FXYD5: variants seen among roughly 807,000 people sequenced by gnomAD.
FXYD5 encodes FXYD domain-containing ion transport regulator 5.
In FXYD5, 21 loss-of-function variants were observed where a neutral mutation model predicts 25.7. That is an observed-to-expected ratio of 0.82 (90% CI 0.58 to 1.18). The LOEUF is 1.18. FXYD5 is among the 50% of genes most tolerant of loss of function. The pLI is 0.00. For missense variants in FXYD5, 229 were observed against 227.7 expected, an observed-to-expected ratio of 1.01 and a Z score of -0.04; for synonymous variants, 101 against 90.7, an observed-to-expected ratio of 1.11 and a Z score of -0.64.
intron 4 of FXYD5, among the ~76,000 whole-genome samples, 181 bp from the exon 5 acceptor site, chr19:35,160,528 T>C (rs777834529): frequency 6.6e-6 from 1 of 152,132 alleles, no homozygotes; most frequent in Non-Finnish European, 1.5e-5. Flanking sequence ...GTATTTTTAG[T>C]AGAGACAGGG....
chr19:35,164,042 C>A, intron 5 of FXYD5, 114 bp from the exon 6 acceptor site: 1 of 1,566,740 alleles, frequency 6.4e-7, no homozygotes, highest in Non-Finnish European at 8.7e-7. Context: ...CCCTGCACAC[C>A]AGCTGTGTAG....
intron 8 of FXYD5, among the ~76,000 whole-genome samples, chr19:35,167,469 C>A (rs1231547482): frequency 2.0e-5 from 3 of 152,192 alleles, no homozygotes; most frequent in Admixed American, 6.5e-5. Flanking sequence ...CCCCCTGTCT[C>A]CTGCCAATGC....
At chr19:35,157,097 C>A (rs986631827) in intron 2 of FXYD5, 1 of 234,014 alleles carries the variant, frequency 4.3e-6, no homozygotes, top group African/African-American at 2.3e-5. Flanking sequence ...AGAGAAAGGA[C>A]TTCACTTGTT....
At position 35,160,762 on chromosome 19, in the gene FXYD5, C is replaced by G; in HGVS notation, c.253C>G (p.Leu85Val). ...TQQLEGTDGP[L>V]VTDPETHKST... ...GCAACTGGAAGGAACGGATGGGCCT[C>G]TAGTGACAGATCCAGAGACACACAA... The change falls in exon 5 of 9, where the codon CTA becomes GTA. Residue 85 changes from leucine (L) to valine (V), a missense_variant. Physicochemically the swap from Leu to Val is conservative, Grantham distance 32. Coordinates refer to ENST00000392219, the MANE Select transcript of FXYD5 (RefSeq NM_014164.6). 6.2e-7 allele frequency: 1 copy of G among 1,613,700 alleles called. No homozygotes were observed. The highest frequency in any genetic ancestry group is 1.6e-4 in the Middle Eastern group (1 of 6,062).
At chr19:35,155,700 T>A in intron 2 of FXYD5, 89 bp downstream of exon 2, 1 of 954,476 alleles carries the variant, frequency 1.0e-6, no homozygotes, top group Non-Finnish European at 1.7e-6. Flanking sequence ...TTGGCCCGTG[T>A]GAACGTTGTC....
At position 35,164,205 on chromosome 19, in the gene FXYD5, C is replaced by T; in HGVS notation, c.342C>T (p.Ser114=). Residue 114 remains serine, a synonymous_variant, in exon 6 of 9, where the codon AGC becomes AGT. Coordinates refer to ENST00000392219, the MANE Select transcript of FXYD5 (RefSeq NM_014164.6). ...TTTLSERPSP[S]TDVQTDPQTL... is the part of the protein sequence containing the mutation. ...CGCTCTCTGAGAGACCATCCCCAAG[C>T]ACAGACGTCCAGACAGACCCCCAGA... The T allele has an allele frequency of 1.2e-6, 2 of 1,613,994 alleles. No homozygotes were observed. The highest frequency in any genetic ancestry group is 2.2e-5 in the East Asian group (1 of 44,878).
intron 8 of FXYD5, among the ~76,000 whole-genome samples, chr19:35,168,716 G>A (rs1321273810): frequency 9.9e-5 from 15 of 152,160 alleles, no homozygotes; most frequent in African/African-American, 3.4e-4. Context: ...CCCTCTGCCT[G>A]TAACACCCTT....
At chr19:35,159,796 C>A in intron 4 of FXYD5, 1 of 922,592 alleles carries the variant, frequency 1.1e-6, no homozygotes, top group Non-Finnish European at 1.6e-6. Flanking sequence ...GGTTCAAGGT[C>A]TCACAACAAG....
At chr19:35,160,305 C>A (rs937753876) in intron 4 of FXYD5, among the ~76,000 whole-genome samples, 3 of 152,184 alleles carry the variant, frequency 2.0e-5, no homozygotes, top group African/African-American at 7.2e-5. Context: ...CCCTTCCCAA[C>A]CCTACAGTGA....
intron 2 of FXYD5, among the ~76,000 whole-genome samples, chr19:35,156,639 A>AG (rs1386651549): frequency 6.6e-6 from 1 of 152,120 alleles, no homozygotes; most frequent in Non-Finnish European, 1.5e-5. Flanking sequence ...TAAGAATAGC[A>AG]GGCAGGTGGG....
chr19:35,166,145 T>G lies in FXYD5; in HGVS notation c.386T>G (p.Phe129Cys), dbSNP rs920499167. 1.2e-6 allele frequency: 2 copies of G among 1,613,824 alleles called. No individual in the cohort carries two copies. The highest frequency in any genetic ancestry group is 2.7e-5 in the African/African-American group (2 of 74,918). Residue 129 changes from phenylalanine to cysteine, a missense_variant, in exon 7 of 9, where the codon TTT becomes TGT. Transcript: ENST00000392219. ...TGCTCTTTGTCTGCCTCTCCAGGTT[T>G]TCATGAGGATGACCCCTTCTTCTAT... ...TDPQTLKPSG[F>C]HEDDPFFYDE...
At chr19:35,168,418 A>C (rs547194186) in intron 8 of FXYD5, among the ~76,000 whole-genome samples, 1 of 152,332 alleles carries the variant, frequency 6.6e-6, no homozygotes, top group South Asian at 2.1e-4. Context: ...CCTGATGATG[A>C]GATGAATCAC....
In FXYD5 at chr19:35,164,208, A is replaced by G. The variant is rs767107160; in HGVS notation, c.345A>G (p.Thr115=). 6 of 1,613,776 alleles carry G rather than the reference A, an allele frequency of 3.7e-6. No individual in the cohort carries two copies. The highest frequency in any genetic ancestry group is 5.1e-6 in the Non-Finnish European group (6 of 1,179,920). ...TTLSERPSPS[T]DVQTDPQTLK... ...TCTCTGAGAGACCATCCCCAAGCAC[A>G]GACGTCCAGACAGACCCCCAGACCC... The change falls in exon 6 of 9, where the codon ACA becomes ACG. Residue 115 remains threonine, a synonymous_variant. Coordinates refer to ENST00000392219, the MANE Select transcript of FXYD5 (RefSeq NM_014164.6).
intron 6 of FXYD5, among the ~76,000 whole-genome samples, chr19:35,165,245 G>T (rs1384856461): frequency 6.6e-6 from 1 of 152,224 alleles, no homozygotes; most frequent in African/African-American, 2.4e-5. Flanking sequence ...CAGCCCCACA[G>T]GCTGCTGGTT....
At chr19:35,166,219 C>G in intron 7 of FXYD5, 32 bp from the exon 8 acceptor site, 1 of 1,610,186 alleles carries the variant, frequency 6.2e-7, no homozygotes, top group Non-Finnish European at 8.5e-7. Flanking sequence ...TGAGGTCCGT[C>G]TGACTCTACC....
intron 4 of FXYD5, 118 bp downstream of exon 4, chr19:35,158,518 GC>G: frequency 1.5e-6 from 1 of 687,072 alleles, no homozygotes; most frequent in Admixed American, 2.1e-5. Context: ...AGCTCTGAAT[GC>G]CCTGGTTTAC....
rs529042220 is a variant in FXYD5 at position 35,156,722 on chromosome 19, G to C, written c.62-699G>C. 3 of 152,978 alleles carry C rather than the reference G, an allele frequency of 2.0e-5. No homozygotes were observed. The East Asian group carries it at 5.8e-4, about 29-fold the overall frequency. 9.5% of individuals were successfully genotyped at this position (152,978 alleles called of 1,614,324 possible). ...AGAGAAGTGATGGGACCAGATGGAG[G>C]AGGACTTACGGGCCACGTGAGGGCT... On this transcript the variant is annotated intron_variant, in intron 2 of 8. Coordinates refer to ENST00000392219, the MANE Select transcript of FXYD5 (RefSeq NM_014164.6).
At chr19:35,160,344 TG>T (rs2065393477) in intron 4 of FXYD5, among the ~76,000 whole-genome samples, 1 of 152,312 alleles carries the variant, frequency 6.6e-6, no homozygotes, top group Non-Finnish European at 1.5e-5. Context: ...TTTCAGGTTT[TG>T]CCAGCCTCTT....
At chr19:35,159,647 A>G in intron 4 of FXYD5, 1 of 1,549,098 alleles carries the variant, frequency 6.5e-7, no homozygotes, top group Non-Finnish European at 8.7e-7. Context: ...CGCACTTGGA[A>G]TATGTACTGA....
Sources: gnomAD v4.1 joint callset for allele counts (sites outside exome capture counted in the v4.1 genomes callset) on GRCh38, gnomAD v4.1.1 for gene constraint, MANE v1.5 for transcripts, NCBI Gene and HGNC (gene_info 2026-07-23, HGNC 2026-07-21) for gene names.